MON2: variants seen among roughly 807,000 people sequenced by gnomAD.
The protein encoded by MON2 is protein MON2 homolog.
A neutral mutation model predicts 208.6 loss-of-function variants in MON2; 84 were observed. The ratio of observed to expected loss-of-function variants is 0.40; its 90% confidence interval spans 0.34 to 0.48. The LOEUF (loss-of-function observed/expected upper bound fraction) is 0.48, where lower values mean the gene tolerates loss of function less well. Among genes scored for constraint, MON2 ranks in the 20% least tolerant of loss-of-function variants. The pLI is 0.59. For synonymous variants in MON2, 660 were observed against 694.0 expected (o/e 0.95, Z 0.77); for missense variants, 1,611 against 2,015.4 (o/e 0.80, Z 3.84).
chr12:62,521,722 A>C lies in MON2; in HGVS notation c.985-2793A>C, dbSNP rs1426088946. On this transcript the variant is annotated intron_variant, in intron 8 of 34. Transcript: ENST00000393630. ...TTAGGTATATTAGAATTTATCACTC[A>C]TTAGAATTTAGAAATTAGAATTTCT... is the stretch of plus-strand genomic sequence containing the variant. Among the ~76,000 whole-genome samples the C allele has an allele frequency of 2.0e-5, 3 of 152,198 alleles. No homozygotes were observed. In the East Asian group the frequency reaches 5.8e-4, roughly 29 times the overall value.
intron 33 of MON2, among the ~76,000 whole-genome samples, chr12:62,586,842 C>T (rs1194294247): frequency 2.0e-5 from 3 of 151,914 alleles, no homozygotes; most frequent in Non-Finnish European, 4.4e-5. Flanking sequence ...TTTTAATGTT[C>T]TAAGTCTTTA....
chr12:62,493,946 G>A lies in MON2; in HGVS notation c.207G>A (p.Gln69=), dbSNP rs367768584. 137 of 1,610,208 alleles carry A rather than the reference G, an allele frequency of 8.5e-5. No individual in the cohort carries two copies. The highest frequency in any genetic ancestry group is 1.1e-4 in the Non-Finnish European group (132 of 1,177,550). The part of the protein sequence containing the change: ...ALKENSSEVV[Q]PFLMGCGTKE... ...AAGAGAACAGCTCAGAGGTTGTACA[G>A]CCTTTTTTAATGGGTTGTGGAACCA... Residue 69 remains glutamine, a synonymous_variant, in exon 3 of 35, where the codon CAG becomes CAA. Coordinates refer to ENST00000393630, the MANE Select transcript of MON2 (RefSeq NM_015026.3).
rs2073819893 is a variant in MON2 at position 62,553,152 on chromosome 12, C to T, written c.3188C>T (p.Thr1063Ile). 3.1e-6 allele frequency: 5 copies of T among 1,614,044 alleles called. No homozygotes were observed. In the East Asian group the frequency reaches 1.1e-4, roughly 36 times the overall value. The change falls in exon 24 of 35, where the codon ACC (threonine) becomes ATC (isoleucine). Residue 1063 changes from threonine to isoleucine, a missense_variant. Transcript: ENST00000393630. Reference sequence around the variant, plus strand: ...CATGGAACTTTATTACAGCATTCAACCTGGCACACTGTTATCTGGAAGGTA... The same window carrying T: ...CATGGAACTTTATTACAGCATTCAATCTGGCACACTGTTATCTGGAAGGTA... The part of the protein sequence containing the change: ...GAHGTLLQHS[T>I]WHTVIWKVLF...
chr12:62,547,430 T>A (rs533776782), intron 22 of MON2, among the ~76,000 whole-genome samples: 2 of 152,356 alleles, frequency 1.3e-5, no homozygotes, highest in Non-Finnish European at 2.9e-5. Flanking sequence ...TTGTGTTTTG[T>A]TAAATTATTT....
chr12:62,468,219 A>G (rs1050893806), intron 1 of MON2, among the ~76,000 whole-genome samples: 1 of 151,152 alleles, frequency 6.6e-6, no homozygotes, highest in African/African-American at 2.4e-5. Context: ...TATTTTTAGT[A>G]GAAACAGGGT....
Position 62,597,436 on chromosome 12 carries a change from G to T in MON2, c.*4687G>T, listed in dbSNP as rs2136542622. On this transcript the variant is annotated 3_prime_UTR_variant, in exon 35 of 35. Transcript: ENST00000393630. ...TGGTTCTACCACTACAAAGTGGAAA[G>T]TAGAAATACTTTGCACTTTGGCCAC... 1 of 152,268 alleles carries T rather than the reference G, an allele frequency of 6.6e-6. No homozygotes were observed. Among genetic ancestry groups the T allele is most frequent in the Non-Finnish European group, 1.5e-5 (1 of 68,016 alleles). 9.4% of individuals were successfully genotyped at this position (152,268 alleles called of 1,614,324 possible). A position where few individuals can be genotyped will look rare whatever the true frequency, so the allele number is the denominator to read the frequency against.
intron 1 of MON2, among the ~76,000 whole-genome samples, chr12:62,481,380 G>C (rs1035072538): frequency 1.3e-5 from 2 of 152,050 alleles, no homozygotes; most frequent in African/African-American, 4.8e-5. Context: ...CAAAAAATTA[G>C]CTGGGTGTGG....
chr12:62,513,484 C>G (rs1342429704), intron 8 of MON2, among the ~76,000 whole-genome samples: 1 of 151,994 alleles, frequency 6.6e-6, no homozygotes, highest in Non-Finnish European at 1.5e-5. Flanking sequence ...CCTCGGCCTC[C>G]CAAAGTGCTG....
intron 2 of MON2, among the ~76,000 whole-genome samples, chr12:62,490,854 G>A (rs965041922): frequency 5.3e-5 from 8 of 152,036 alleles, no homozygotes; most frequent in Admixed American, 1.3e-4. Flanking sequence ...TATTACTATC[G>A]TAAGTTTATC....
At position 62,536,281 on chromosome 12, in the gene MON2, T is replaced by C. The variant is rs117379731; in HGVS notation, c.1900+572T>C. 7.2e-3 allele frequency among the ~76,000 whole-genome samples: 1,089 copies of C among 152,294 alleles called. 4 individuals are homozygous for C. The highest frequency in any genetic ancestry group is 0.011 in the Non-Finnish European group (760 of 68,012). Reference sequence around the variant, plus strand: ...TGTTTGTAACCACTTAGGTTAAACTTACATTCAAAAATTTATTTTCTTGTT... The same window carrying C: ...TGTTTGTAACCACTTAGGTTAAACTCACATTCAAAAATTTATTTTCTTGTT... On this transcript the variant is annotated intron_variant, in intron 14 of 34. Transcript: ENST00000393630.
At chr12:62,534,269 C>T (rs1170591282) in intron 12 of MON2, among the ~76,000 whole-genome samples, 10 of 151,350 alleles carry the variant, frequency 6.6e-5, no homozygotes, top group Admixed American at 6.6e-4. Context: ...GCCTGTAATC[C>T]CAGTAGTTTG....
intron 31 of MON2, 125 bp downstream of exon 31, chr12:62,578,630 A>T: frequency 1.7e-6 from 1 of 598,798 alleles, no homozygotes; most frequent in Non-Finnish European, 2.8e-6. Flanking sequence ...AAGCATTAAA[A>T]CTCTTACAGG....
In MON2 at chr12:62,580,431, T is replaced by A; in HGVS notation, c.4699+11T>A. The A allele has an allele frequency of 6.3e-7, 1 of 1,580,318 alleles. No individual in the cohort carries two copies. The highest frequency in any genetic ancestry group is 8.6e-7 in the Non-Finnish European group (1 of 1,156,330). On this transcript the variant is annotated intron_variant, in intron 32 of 34. Coordinates refer to ENST00000393630, the MANE Select transcript of MON2 (RefSeq NM_015026.3). ...CATCTTCATTTACAGGTATGTTAAT[T>A]TTTTTAAGTATTAAAAAGTATTGAA...
chr12:62,555,061 G>T (rs1042548285), intron 24 of MON2, among the ~76,000 whole-genome samples: 2 of 152,096 alleles, frequency 1.3e-5, no homozygotes, highest in East Asian at 1.9e-4. Flanking sequence ...CTCCCAAAGT[G>T]CTGGGATTAC....
rs1428979882 is a variant in MON2 at position 62,525,069 on chromosome 12, T to A, written c.1110-15T>A. On this transcript the variant is annotated splice_polypyrimidine_tract_variant and intron_variant, in intron 9 of 34. Transcript: ENST00000393630. ...TCAAATGTTTTTCCCAAAAACCTTT[T>A]AAATTATTTTACAGGTCATTTTGTC... 6.3e-7 allele frequency: 1 copy of A among 1,596,406 alleles called. No individual in the cohort carries two copies.
intron 33 of MON2, among the ~76,000 whole-genome samples, chr12:62,586,818 A>G (rs2075234359): frequency 2.0e-5 from 3 of 152,112 alleles, no homozygotes; most frequent in Non-Finnish European, 4.4e-5. Flanking sequence ...TCAGAAGAAA[A>G]CTTTCACCTT....
rs1279316315 is a variant in MON2, at chr12:62,595,964, A to G, written c.*3215A>G. The G allele has an allele frequency of 6.6e-6, 1 of 152,206 alleles. No individual in the cohort carries two copies. Among genetic ancestry groups the G allele is most frequent in the Non-Finnish European group, 1.5e-5 (1 of 68,036 alleles). 9.4% of individuals were successfully genotyped at this position (152,206 alleles called of 1,614,324 possible). ...GAAAGAGATGAACAATTTAGTGTAG[A>G]TATTTTATTCTGGAGAATAATATTC... On this transcript the variant is annotated 3_prime_UTR_variant, in exon 35 of 35. Transcript: ENST00000393630.
Position 62,493,931 on chromosome 12 carries a change from C to T in MON2, c.192C>T (p.Ser64=). The T allele has an allele frequency of 6.2e-7, 1 of 1,603,642 alleles. No individual in the cohort carries two copies. Among genetic ancestry groups the T allele is most frequent in the Non-Finnish European group, 8.5e-7 (1 of 1,173,356 alleles). The change falls in exon 3 of 35, where the codon AGC becomes AGT. Residue 64 remains serine, a synonymous_variant. Coordinates refer to ENST00000393630, the MANE Select transcript of MON2 (RefSeq NM_015026.3). ...TEILAALKEN[S]SEVVQPFLMG... ...TAAATGAAGCACTGAAAGAGAACAG[C>T]TCAGAGGTTGTACAGCCTTTTTTAA... is the stretch of plus-strand genomic sequence containing the variant.
chr12:62,508,817 AT>A (rs1190489274), intron 8 of MON2: 2 of 214,842 alleles, frequency 9.3e-6, no homozygotes, highest in Non-Finnish European at 1.9e-5. Context: ...TTCTGCTTTC[AT>A]TTATACTGTT....
Sources: allele counts gnomAD v4.1 joint callset (sites outside exome capture counted in the v4.1 genomes callset), GRCh38; gene constraint gnomAD v4.1.1; transcripts MANE v1.5; gene names NCBI Gene and HGNC (gene_info 2026-07-23, HGNC 2026-07-21).